The following PTPRQ variants were observed in gnomAD, a reference collection of about 807,000 sequenced individuals.
PTPRQ encodes the protein phosphatidylinositol phosphatase PTPRQ.
A neutral mutation model predicts 246.0 loss-of-function variants in PTPRQ; 199 were observed. The observed-to-expected ratio is 0.81, with a 90% CI of 0.72 to 0.91. The LOEUF (loss-of-function observed/expected upper bound fraction) is 0.91, where lower values mean the gene tolerates loss of function less well. PTPRQ is among the 40% of genes least tolerant of loss of function. The probability of loss-of-function intolerance (pLI) is 0.00; values close to 1 mark genes in which losing one functional copy is unlikely to be tolerated. For synonymous variants in PTPRQ, 869 were observed against 853.2 expected (o/e 1.02, Z -0.32); for missense variants, 2,624 against 2,528.4 (o/e 1.04, Z -0.81).
At chr12:80,608,935 TA>T (rs1163123042) in intron 27 of PTPRQ, among the ~76,000 whole-genome samples, 1 of 150,682 alleles carries the variant, frequency 6.6e-6, no homozygotes, top group African/African-American at 2.4e-5. Flanking sequence ...TTTTATGTGA[TA>T]TTCAAATGTT....
At chr12:80,612,346 A>G (rs750704092) in intron 28 of PTPRQ, among the ~76,000 whole-genome samples, 27 of 150,458 alleles carry the variant, frequency 1.8e-4, no homozygotes, top group Non-Finnish European at 3.0e-4. Flanking sequence ...AATTGGCAGA[A>G]GACATGAACA....
intron 35 of PTPRQ, among the ~76,000 whole-genome samples, chr12:80,646,074 A>G (rs1295640324): frequency 6.6e-6 from 1 of 152,158 alleles, no homozygotes; most frequent in African/African-American, 2.4e-5. Flanking sequence ...TTAAGAGAAT[A>G]TTCTTTTGGA....
chr12:80,519,052 G>T (rs1416328270), intron 17 of PTPRQ, among the ~76,000 whole-genome samples: 3 of 152,076 alleles, frequency 2.0e-5, no homozygotes, highest in Non-Finnish European at 4.4e-5. Context: ...TGCATCTGTA[G>T]ATTGCTTTGG....
At chr12:80,553,339 A>G (rs1049555835) in intron 25 of PTPRQ, among the ~76,000 whole-genome samples, 1 of 149,788 alleles carries the variant, frequency 6.7e-6, no homozygotes, top group Non-Finnish European at 1.5e-5. Context: ...TGATTACAAT[A>G]TTTATTAGGT....
chr12:80,591,682 A>G (rs552326430), intron 26 of PTPRQ, among the ~76,000 whole-genome samples: 2 of 152,316 alleles, frequency 1.3e-5, no homozygotes, highest in African/African-American at 4.8e-5. Context: ...TAGCTATTCT[A>G]ATATAACTAG....
intron 3 of PTPRQ, among the ~76,000 whole-genome samples, chr12:80,455,628 T>C (rs1472036885): frequency 6.6e-6 from 1 of 150,888 alleles, no homozygotes; most frequent in African/African-American, 2.4e-5. Context: ...TCTCGCTCTG[T>C]CGCCCAGGCT....
chr12:80,643,195 T>C (rs1457612034), intron 35 of PTPRQ, among the ~76,000 whole-genome samples: 2 of 152,086 alleles, frequency 1.3e-5, no homozygotes, highest in African/African-American at 4.8e-5. Flanking sequence ...CCCAGCACTT[T>C]GGGAGGTCGA....
intron 3 of PTPRQ, among the ~76,000 whole-genome samples, chr12:80,455,970 AAAGCAGTGC>A (rs1892969751): frequency 6.6e-6 from 1 of 152,172 alleles, no homozygotes; most frequent in Non-Finnish European, 1.5e-5. Context: ...GAGCTTATAA[AAAGCAGTGC>A]TAAATTAGGC....
chr12:80,604,189 A>T (rs1459529041), intron 26 of PTPRQ, among the ~76,000 whole-genome samples: 1 of 151,468 alleles, frequency 6.6e-6, no homozygotes, highest in Non-Finnish European at 1.5e-5. Flanking sequence ...AAATATTGGG[A>T]AATACTTATC....
intron 27 of PTPRQ, 26 bp downstream of exon 27, chr12:80,605,206 A>C: frequency 2.0e-6 from 3 of 1,534,144 alleles, no homozygotes; most frequent in Non-Finnish European, 1.8e-6. Context: ...CCTTCTGTAA[A>C]AGCCAGTATA....
intron 16 of PTPRQ, among the ~76,000 whole-genome samples, chr12:80,508,511 G>A (rs1895031178): frequency 6.6e-6 from 1 of 151,986 alleles, no homozygotes; most frequent in South Asian, 2.1e-4. Flanking sequence ...GAAAGATCAT[G>A]CCAGGTAGAG....
intron 38 of PTPRQ, 147 bp from the exon 39 acceptor site, chr12:80,657,838 T>C: frequency 2.2e-6 from 1 of 453,756 alleles, no homozygotes; most frequent in Non-Finnish European, 3.6e-6. Context: ...GGTAGAAATA[T>C]GGGAGAAGAA....
intron 38 of PTPRQ, among the ~76,000 whole-genome samples, chr12:80,654,681 G>A (rs1197483096): frequency 7.4e-6 from 1 of 135,670 alleles, no homozygotes; most frequent in Non-Finnish European, 1.6e-5. Flanking sequence ...AACCCCATCT[G>A]TACTAAAAAT....
In PTPRQ at chr12:80,520,408, G is replaced by A. The variant is rs190789753; in HGVS notation, c.2678+9965G>A. Among the ~76,000 whole-genome samples the A allele has an allele frequency of 4.7e-4, 72 of 152,040 alleles. No homozygotes were observed. In the East Asian group the frequency reaches 0.011, roughly 23 times the overall value. On this transcript the variant is annotated intron_variant, in intron 17 of 44. Transcript: ENST00000644991. ...AAGTTTTAGGGTACATGTGCACAAC[G>A]TGCAGGTTTGTTACATATCTATACA...
At position 80,669,022 on chromosome 12, in the gene PTPRQ, A is replaced by T; in HGVS notation, c.6208A>T (p.Asn2070Tyr). Residue 2070 changes from asparagine to tyrosine, a missense_variant, in exon 40 of 45, where the codon AAT becomes TAT. Transcript: ENST00000644991. ...ASYISGYLCPNEFIATQGPLP... is the reference protein window; with the variant it reads ...ASYISGYLCPYEFIATQGPLP... ...ATCCTTCTAGGGTTATTTATGTCCA[A>T]ATGAATTTATTGCTACTCAAGGTCC... 1 of 1,549,818 alleles carries T rather than the reference A, an allele frequency of 6.5e-7. No homozygotes were observed. Among genetic ancestry groups the T allele is most frequent in the Non-Finnish European group, 8.7e-7 (1 of 1,145,744 alleles).
Position 80,534,144 on chromosome 12 carries a change from C to CAAT in PTPRQ, c.2810_2812dup (p.Asn937dup), listed in dbSNP as rs756662659. 6.5e-7 allele frequency: 1 copy of CAAT among 1,540,492 alleles called. No homozygotes were observed. Among genetic ancestry groups the CAAT allele is most frequent in the South Asian group, 1.2e-5 (1 of 81,942 alleles). On this transcript the variant is annotated inframe_insertion, in exon 18 of 45. Transcript: ENST00000644991. ...GATTTGGTGATGGGAAAACAAGAAG[C>CAAT]AATATCATTAGCTTTCAAACACCAG...
At chr12:80,638,735 G>A (rs1229004490) in intron 35 of PTPRQ, among the ~76,000 whole-genome samples, 1 of 152,038 alleles carries the variant, frequency 6.6e-6, no homozygotes, top group East Asian at 1.9e-4. Flanking sequence ...ATGAGAGCAG[G>A]AGTCAAATAA....
chr12:80,551,459 G>A (rs1896472542), intron 25 of PTPRQ, among the ~76,000 whole-genome samples: 1 of 152,060 alleles, frequency 6.6e-6, no homozygotes, highest in African/African-American at 2.4e-5. Flanking sequence ...CACTACTTTA[G>A]CCTACCCATA....
At chr12:80,545,240 C>G (rs1032408087) in intron 23 of PTPRQ, among the ~76,000 whole-genome samples, 1 of 152,010 alleles carries the variant, frequency 6.6e-6, no homozygotes. Flanking sequence ...TGTCTATAAT[C>G]TCCAGATTAT....
Sources: gnomAD v4.1 joint callset for allele counts (sites outside exome capture counted in the v4.1 genomes callset) on GRCh38, gnomAD v4.1.1 for gene constraint, MANE v1.5 for transcripts, NCBI Gene and HGNC (gene_info 2026-07-23, HGNC 2026-07-21) for gene names.